GPHN: variants seen among roughly 807,000 people sequenced by gnomAD.
GPHN encodes the protein gephyrin.
A neutral mutation model predicts 95.5 loss-of-function variants in GPHN; 17 were observed. The ratio of observed to expected loss-of-function variants is 0.18; its 90% confidence interval spans 0.12 to 0.27. The LOEUF (loss-of-function observed/expected upper bound fraction) is 0.27, where lower values mean the gene tolerates loss of function less well. GPHN is among the 10% of genes least tolerant of loss of function. GPHN has a pLI of 1.00. For synonymous variants in GPHN, 320 were observed against 322.5 expected (o/e 0.99, Z 0.08); for missense variants, 660 against 978.1 (o/e 0.67, Z 4.34).
rs1555502004 is a variant in GPHN, at chr14:67,144,250, A to ATATATATATATATGT, written c.1836+801_1836+802insTATATATATATATGT. 1.6e-4 allele frequency among the ~76,000 whole-genome samples: 9 copies of ATATATATATATATGT among 57,774 alleles called. 1 individual carries two copies. Among genetic ancestry groups the ATATATATATATATGT allele is most frequent in the African/African-American group, 6.4e-4 (8 of 12,484 alleles). 37.9% of individuals were successfully genotyped at this position (57,774 alleles called of 152,430 possible). A position where few individuals can be genotyped will look rare whatever the true frequency, so the allele number is the denominator to read the frequency against. On this transcript the variant is annotated intron_variant, in intron 18 of 22. Transcript: ENST00000478722. ...AGACCCTGTCTTAAAAAAAAAAAAA[A>ATATATATATATATGT]ATATATATATATATATATATATATA...
At chr14:67,432,967 C>T in the GPHN span, among the ~76,000 whole-genome samples, 2 of 152,072 alleles carry the variant, frequency 1.3e-5, 1 homozygote, top group African/African-American at 4.8e-5. Flanking sequence ...CTGCAGAGAC[C>T]CTGTTTCCAC....
chr14:67,646,692 G>C, the GPHN span: 4 of 1,613,836 alleles, frequency 2.5e-6, no homozygotes, highest in African/African-American at 1.3e-5. Context: ...TATCTCTTCT[G>C]CAAGTATTGT....
At chr14:66,523,313 A>G (rs1285224190) in intron 1 of GPHN, among the ~76,000 whole-genome samples, 1 of 152,120 alleles carries the variant, frequency 6.6e-6, no homozygotes, top group African/African-American at 2.4e-5. Context: ...GTGTAATGAC[A>G]GATTCCCACA....
At chr14:67,018,647 TC>T (rs1253173909) in intron 9 of GPHN, among the ~76,000 whole-genome samples, 1 of 152,210 alleles carries the variant, frequency 6.6e-6, no homozygotes, top group Non-Finnish European at 1.5e-5. Flanking sequence ...CATAGAATTT[TC>T]CACCTCTCTT....
chr14:66,837,236 T>C (rs1566999928), intron 4 of GPHN, among the ~76,000 whole-genome samples: 4 of 151,732 alleles, frequency 2.6e-5, no homozygotes, highest in Non-Finnish European at 4.4e-5. Flanking sequence ...AAATGTGGCA[T>C]ATGTACACCA....
At chr14:66,588,841 T>G (rs958001626) in intron 1 of GPHN, among the ~76,000 whole-genome samples, 13 of 152,012 alleles carry the variant, frequency 8.6e-5, no homozygotes, top group Non-Finnish European at 1.5e-5. Context: ...TTTCCCAACC[T>G]AGCAAGACAG....
intron 4 of GPHN, among the ~76,000 whole-genome samples, chr14:66,875,805 G>A (rs747665693): frequency 5.3e-5 from 8 of 152,082 alleles, no homozygotes; most frequent in Non-Finnish European, 7.4e-5. Flanking sequence ...ATAATAGTGG[G>A]AGACTTTAAC....
chr14:66,766,804 G>A (rs1321297988), intron 2 of GPHN, among the ~76,000 whole-genome samples: 1 of 151,906 alleles, frequency 6.6e-6, no homozygotes, highest in Non-Finnish European at 1.5e-5. Flanking sequence ...CACACACAAA[G>A]CCAGGTATAC....
the GPHN span, among the ~76,000 whole-genome samples, chr14:67,301,760 T>C: frequency 6.6e-6 from 1 of 152,200 alleles, no homozygotes; most frequent in African/African-American, 2.4e-5. Flanking sequence ...TACATTGATG[T>C]TATCTTCCGA....
the GPHN span, among the ~76,000 whole-genome samples, chr14:67,267,753 G>C: frequency 2.6e-4 from 39 of 152,218 alleles, no homozygotes; most frequent in African/African-American, 8.9e-4. Context: ...TTTTCAGTCA[G>C]AATCTGTTTC....
At chr14:67,088,940 T>C in intron 11 of GPHN, 43 bp from the exon 12 acceptor site, 1 of 1,108,512 alleles carries the variant, frequency 9.0e-7, no homozygotes, top group Non-Finnish European at 1.4e-6. Flanking sequence ...TGCTTACCCA[T>C]TGCTCTCCAT....
At chr14:66,751,294 A>G (rs1363051701) in intron 2 of GPHN, among the ~76,000 whole-genome samples, 1 of 152,022 alleles carries the variant, frequency 6.6e-6, no homozygotes, top group African/African-American at 2.4e-5. Flanking sequence ...TGGTTGAACC[A>G]ATTATATTCC....
intron 18 of GPHN, among the ~76,000 whole-genome samples, chr14:67,157,368 G>A (rs561511190): frequency 1.4e-4 from 21 of 152,202 alleles, no homozygotes; most frequent in East Asian, 3.9e-4. Flanking sequence ...TGAAAAATAC[G>A]TGAATTAATT....
At chr14:66,673,719 A>T (rs2066428435) in intron 1 of GPHN, among the ~76,000 whole-genome samples, 1 of 152,198 alleles carries the variant, frequency 6.6e-6, no homozygotes, top group Non-Finnish European at 1.5e-5. Context: ...TCAGTTTCTG[A>T]CTGATAATCA....
At chr14:66,982,596 T>A (rs1198145164) in intron 9 of GPHN, among the ~76,000 whole-genome samples, 2 of 152,194 alleles carry the variant, frequency 1.3e-5, no homozygotes, top group South Asian at 4.1e-4. Flanking sequence ...ATAATATCTT[T>A]TAACATCTTG....
chr14:67,629,061 G>T, the GPHN span, among the ~76,000 whole-genome samples: 2 of 152,210 alleles, frequency 1.3e-5, no homozygotes, highest in South Asian at 4.1e-4. Flanking sequence ...GGGCTGGGTG[G>T]GGTGGCTCAT....
At chr14:66,657,688 A>G (rs1364904963) in intron 1 of GPHN, among the ~76,000 whole-genome samples, 2 of 152,166 alleles carry the variant, frequency 1.3e-5, no homozygotes, top group Middle Eastern at 3.2e-3. Context: ...AAATCACAAT[A>G]CATCTGTTTA....
At chr14:67,472,293 T>C in the GPHN span, 1 of 152,334 alleles carries the variant, frequency 6.6e-6, no homozygotes, top group Non-Finnish European at 1.5e-5. Flanking sequence ...CAATGCTGGA[T>C]ACCTGGCTTC....
chr14:67,606,188 A>C, the GPHN span, among the ~76,000 whole-genome samples: 1 of 152,066 alleles, frequency 6.6e-6, no homozygotes, highest in South Asian at 2.1e-4. Flanking sequence ...AGTGGGAAAA[A>C]AATAGAAGAA....
Sources: allele counts gnomAD v4.1 joint callset (sites outside exome capture counted in the v4.1 genomes callset), GRCh38; gene constraint gnomAD v4.1.1; transcripts MANE v1.5; gene names NCBI Gene and HGNC (gene_info 2026-07-23, HGNC 2026-07-21).